Variants in TLN2 observed in about 807,000 individuals in gnomAD.
TLN2 encodes the protein talin-2.
TLN2 carries 118 observed loss-of-function variants against 294.7 expected under a neutral mutation model. That is an observed-to-expected ratio of 0.40 (90% CI 0.34 to 0.47). TLN2 has a LOEUF of 0.47. Ranked by LOEUF, TLN2 falls within the 20% of genes least tolerant of loss-of-function variation. The pLI is 0.84. For missense variants in TLN2, 3,083 were observed against 3,282.2 expected, an observed-to-expected ratio of 0.94 and a Z score of 1.48; for synonymous variants, 1,431 against 1,304.5, an observed-to-expected ratio of 1.10 and a Z score of -2.09.
chr15:62,616,645 GT>G (rs1418717962), intron 2 of TLN2, among the ~76,000 whole-genome samples: 2 of 152,176 alleles, frequency 1.3e-5, no homozygotes, highest in African/African-American at 4.8e-5. Flanking sequence ...TAGGCTCCTA[GT>G]CATGGTGTGA....
chr15:62,477,559 C>T, intron 1 of TLN2, among the ~76,000 whole-genome samples: 1 of 152,130 alleles, frequency 6.6e-6, no homozygotes. Flanking sequence ...TAGGTTTGTC[C>T]ATTGAACCCT....
rs762761889 is a variant in TLN2, at chr15:62,708,721, A to G, written c.2392A>G (p.Ile798Val). The G allele has an allele frequency of 1.2e-6, 2 of 1,613,040 alleles. No individual in the cohort carries two copies. The highest frequency in any genetic ancestry group is 1.7e-6 in the Non-Finnish European group (2 of 1,180,040). ...GCAGTTTGCCAGCCGAGGCGAGCCC[A>G]TCGGCCGCTACGACCAGGCTACTGA... ...VRQFASRGEP[I>V]GRYDQATDTI... Residue 798 changes from isoleucine (I) to valine (V), a missense_variant, in exon 21 of 59, where the codon ATC becomes GTC. Ile to Val is a conservative substitution (Grantham distance 29). Coordinates refer to ENST00000636159, the MANE Select transcript of TLN2 (RefSeq NM_015059.3).
intron 52 of TLN2, among the ~76,000 whole-genome samples, chr15:62,818,236 G>C (rs866423513): frequency 2.6e-5 from 4 of 152,198 alleles, no homozygotes; most frequent in Non-Finnish European, 4.4e-5. Flanking sequence ...TTCCAAAGCT[G>C]ATGCTTTGTC....
At chr15:62,517,191 C>A (rs1341235236) in intron 1 of TLN2, among the ~76,000 whole-genome samples, 1 of 152,136 alleles carries the variant, frequency 6.6e-6, no homozygotes, top group Non-Finnish European at 1.5e-5. Flanking sequence ...CCTTGGAGTC[C>A]CCACTTTCTG....
chr15:62,844,220 T>A lies in TLN2; in HGVS notation c.*3610T>A, dbSNP rs2070986137. The A allele has an allele frequency of 6.6e-6, 1 of 152,312 alleles. No individual in the cohort carries two copies. Among genetic ancestry groups the A allele is most frequent in the African/African-American group, 2.4e-5 (1 of 41,416 alleles). The allele number at this position is 152,312 out of a possible 1,614,324, so 9.4% of individuals were successfully genotyped here. ...CCCAAAGGTATCCCCAAGTACCATG[T>A]TGAAAATGTCCTCAGTCTGTTGCTC... On this transcript the variant is annotated 3_prime_UTR_variant, in exon 59 of 59. Coordinates refer to ENST00000636159, the MANE Select transcript of TLN2 (RefSeq NM_015059.3).
intron 11 of TLN2, among the ~76,000 whole-genome samples, chr15:62,684,722 G>C (rs2057141735): frequency 6.6e-6 from 1 of 151,970 alleles, no homozygotes; most frequent in Admixed American, 6.6e-5. Context: ...TTTGAAGTCA[G>C]AGATATTTTT....
chr15:62,694,267 G>T, intron 13 of TLN2, 49 bp from the exon 14 acceptor site: 1 of 1,578,796 alleles, frequency 6.3e-7, no homozygotes. Context: ...GTGAGCCACC[G>T]CGCGTGGCCT....
Position 62,820,541 on chromosome 15 carries a change from G to A in TLN2, c.6933G>A (p.Leu2311=), listed in dbSNP as rs570196991. The A allele has an allele frequency of 8.1e-6, 13 of 1,613,948 alleles. No homozygotes were observed. In the South Asian group the frequency reaches 1.3e-4, roughly 16 times the overall value. ...DPTVIAETEL[L]GAAASIEAAA... ...CTGTCATTGCAGAAACAGAGTTACT[G>A]GGGGCTGCAGCATCCATCGAAGCTG... is the stretch of plus-strand genomic sequence containing the variant. Residue 2311 remains leucine (L), a synonymous_variant, in exon 54 of 59, where the codon CTG becomes CTA. Transcript: ENST00000636159.
chr15:62,460,946 T>G (rs1463573630), intron 1 of TLN2, among the ~76,000 whole-genome samples: 1 of 151,880 alleles, frequency 6.6e-6, no homozygotes, highest in African/African-American at 2.4e-5. Context: ...TGTGTTTATT[T>G]TATTTTATTT....
intron 1 of TLN2, among the ~76,000 whole-genome samples, chr15:62,553,416 C>T (rs1471185222): frequency 4.0e-5 from 6 of 151,242 alleles, no homozygotes; most frequent in African/African-American, 7.3e-5. Flanking sequence ...ACCCAGGAGG[C>T]GGAGGTTGCG....
Position 62,771,149 on chromosome 15 carries a change from A to G in TLN2, c.5367+15A>G. ...GAAACCCCAAGGTATGGTCCAGGATATCGGGGACTCACTTAGGACCACTAA... is the reference window on the plus strand; with the variant it reads ...GAAACCCCAAGGTATGGTCCAGGATGTCGGGGACTCACTTAGGACCACTAA... On this transcript the variant is annotated intron_variant, in intron 42 of 58. Coordinates refer to ENST00000636159, the MANE Select transcript of TLN2 (RefSeq NM_015059.3). 2 of 1,594,516 alleles carry G rather than the reference A, an allele frequency of 1.3e-6. No individual in the cohort carries two copies. The highest frequency in any genetic ancestry group is 1.7e-6 in the Non-Finnish European group (2 of 1,167,388).
intron 42 of TLN2, among the ~76,000 whole-genome samples, chr15:62,773,168 C>T (rs146440428): frequency 6.8e-6 from 1 of 147,986 alleles, no homozygotes; most frequent in African/African-American, 2.5e-5. Context: ...CCAGGCTCAT[C>T]ACAAACTTCT....
intron 52 of TLN2, among the ~76,000 whole-genome samples, chr15:62,812,598 T>C (rs188878812): frequency 6.6e-6 from 1 of 152,320 alleles, no homozygotes; most frequent in East Asian, 1.9e-4. Flanking sequence ...GAAGTGTCTC[T>C]CAGGGGAAAG....
At chr15:62,672,796 G>C (rs557982863) in intron 9 of TLN2, among the ~76,000 whole-genome samples, 2 of 152,028 alleles carry the variant, frequency 1.3e-5, no homozygotes, top group Non-Finnish European at 2.9e-5. Context: ...GTGGTGTCGG[G>C]GGGTTGCCAC....
intron 1 of TLN2, among the ~76,000 whole-genome samples, chr15:62,557,108 G>A (rs990602307): frequency 6.6e-6 from 1 of 152,172 alleles, no homozygotes; most frequent in Non-Finnish European, 1.5e-5. Context: ...CAGAACCTCT[G>A]AGAAACCCTA....
At position 62,431,981 on chromosome 15, in the gene TLN2, C is replaced by T. The variant is rs528997521; in HGVS notation, c.-238+41296C>T. ...CTCTGGGTTAATGGGACTTCTGGAA[C>T]GCTCCTTGGAAAGGACGTGTTGCTC... On this transcript the variant is annotated intron_variant, in intron 1 of 58. Coordinates refer to ENST00000636159, the MANE Select transcript of TLN2 (RefSeq NM_015059.3). Among the ~76,000 whole-genome samples the T allele has an allele frequency of 4.3e-4, 66 of 152,264 alleles. 1 individual carries two copies. In the South Asian group the frequency reaches 9.5e-3, roughly 22 times the overall value.
At chr15:62,492,349 G>A (rs2038783120) in intron 1 of TLN2, among the ~76,000 whole-genome samples, 1 of 151,818 alleles carries the variant, frequency 6.6e-6, no homozygotes, top group South Asian at 2.1e-4. Flanking sequence ...ACGAGGTCAG[G>A]AGATCGAGAC....
intron 45 of TLN2, among the ~76,000 whole-genome samples, chr15:62,788,735 C>T (rs2064873281): frequency 6.6e-6 from 1 of 152,216 alleles, no homozygotes; most frequent in African/African-American, 2.4e-5. Context: ...AGGATTCAAA[C>T]CCAGGTTAGT....
rs183396512 is a variant in TLN2, at chr15:62,672,374, G to A, written c.789-1453G>A. On this transcript the variant is annotated intron_variant, in intron 9 of 58. Transcript: ENST00000636159. ...AAATATCTGTGCTTTAACTTACTGT[G>A]GTCATCCTTTTTCTGATGCTCAAAT... Among the ~76,000 whole-genome samples the A allele has an allele frequency of 1.7e-3, 256 of 152,058 alleles. 1 individual carries two copies. Among genetic ancestry groups the A allele is most frequent in the African/African-American group, 6.0e-3 (250 of 41,466 alleles).
Sources: gnomAD v4.1 joint callset for allele counts (sites outside exome capture counted in the v4.1 genomes callset) on GRCh38, gnomAD v4.1.1 for gene constraint, MANE v1.5 for transcripts, NCBI Gene and HGNC (gene_info 2026-07-23, HGNC 2026-07-21) for gene names.